The following TCF12 variants were observed in gnomAD, a reference collection of about 807,000 sequenced individuals.
TCF12 encodes DNA-binding protein HTF4.
A neutral mutation model predicts 86.0 loss-of-function variants in TCF12; 45 were observed. That is an observed-to-expected ratio of 0.52 (90% CI 0.41 to 0.67). The LOEUF is 0.67. Among genes scored for constraint, TCF12 ranks in the 30% least tolerant of loss-of-function variants. TCF12 has a pLI of 0.00. For missense variants in TCF12, 881 were observed against 859.9 expected, an observed-to-expected ratio of 1.02 and a Z score of -0.31; for synonymous variants, 330 against 299.6, an observed-to-expected ratio of 1.10 and a Z score of -1.05.
At chr15:57,129,194 G>A (rs959592306) in intron 5 of TCF12, among the ~76,000 whole-genome samples, 1 of 152,136 alleles carries the variant, frequency 6.6e-6, no homozygotes, top group Admixed American at 6.5e-5. Context: ...GCCAACATGC[G>A]TCTGTTCCTT....
intron 3 of TCF12, among the ~76,000 whole-genome samples, chr15:57,014,060 G>T (rs2065000411): frequency 6.6e-6 from 1 of 152,132 alleles, no homozygotes; most frequent in Non-Finnish European, 1.5e-5. Context: ...TTGTTGTGTT[G>T]CGATGATCTA....
intron 3 of TCF12, among the ~76,000 whole-genome samples, chr15:57,055,999 T>C (rs539340313): frequency 3.3e-5 from 5 of 152,262 alleles, no homozygotes; most frequent in Admixed American, 6.5e-5. Context: ...TTTTTATCAA[T>C]TGGATAATTT....
At chr15:56,988,932 T>C (rs2063318425) in intron 3 of TCF12, among the ~76,000 whole-genome samples, 1 of 152,166 alleles carries the variant, frequency 6.6e-6, no homozygotes, top group South Asian at 2.1e-4. Flanking sequence ...TTTAAGTAAT[T>C]GATATTTTTG....
intron 3 of TCF12, among the ~76,000 whole-genome samples, chr15:56,924,692 A>G (rs1228514420): frequency 6.6e-6 from 1 of 152,240 alleles, no homozygotes; most frequent in Non-Finnish European, 1.5e-5. Context: ...GTAGTTATTA[A>G]TGAGAGTAAC....
intron 3 of TCF12, among the ~76,000 whole-genome samples, chr15:56,969,458 G>T (rs78986730): frequency 6.6e-6 from 1 of 151,472 alleles, no homozygotes. Context: ...GGAGGAACAG[G>T]TTTTGGTTTC....
chr15:56,963,768 T>C (rs1401489941), intron 3 of TCF12, among the ~76,000 whole-genome samples: 1 of 152,206 alleles, frequency 6.6e-6, no homozygotes, highest in Non-Finnish European at 1.5e-5. Flanking sequence ...TGATACCCTG[T>C]GTTATAACGA....
rs1222663442 is a variant in TCF12, at chr15:57,166,311, C to G, written c.326-91C>G. ...CTAATTTGTTCTTTCTATTTTAAAACTGCAATATAATTACCATGAATAGTC... is the reference window on the plus strand; with the variant it reads ...CTAATTTGTTCTTTCTATTTTAAAAGTGCAATATAATTACCATGAATAGTC... On this transcript the variant is annotated intron_variant, in intron 5 of 20. Coordinates refer to ENST00000333725, the MANE Select transcript of TCF12 (RefSeq NM_207037.2). 7 of 1,030,440 alleles carry G rather than the reference C, an allele frequency of 6.8e-6. No individual in the cohort carries two copies. The African/African-American group carries it at 1.1e-4, about 17-fold the overall frequency. The allele number at this position is 1,030,440 out of a possible 1,614,324, so 63.8% of individuals were successfully genotyped here. A position where few individuals can be genotyped will look rare whatever the true frequency, so the allele number is the denominator to read the frequency against.
At chr15:57,183,416 A>G (rs1320720431) in intron 6 of TCF12, among the ~76,000 whole-genome samples, 1 of 152,110 alleles carries the variant, frequency 6.6e-6, no homozygotes, top group Non-Finnish European at 1.5e-5. Context: ...TGAATCTGTC[A>G]CACCCTCTTT....
intron 3 of TCF12, among the ~76,000 whole-genome samples, chr15:57,057,934 A>G (rs1225248209): frequency 7.2e-5 from 11 of 152,196 alleles, no homozygotes; most frequent in Non-Finnish European, 4.4e-5. Flanking sequence ...ATTGGTCTTC[A>G]GATACAGGGC....
intron 6 of TCF12, among the ~76,000 whole-genome samples, chr15:57,184,522 G>A (rs1332453604): frequency 6.6e-6 from 1 of 152,118 alleles, no homozygotes; most frequent in Non-Finnish European, 1.5e-5. Context: ...ATGAGAAAAT[G>A]CAGATGAAGT....
Position 57,286,879 on chromosome 15 carries a change from G to C in TCF12, c.*734G>C, listed in dbSNP as rs1172987398. 2.9e-6 allele frequency: 1 copy of C among 345,704 alleles called. No individual in the cohort carries two copies. The highest frequency in any genetic ancestry group is 7.6e-5 in the East Asian group (1 of 13,222). The allele number at this position is 345,704 out of a possible 1,614,324, so 21.4% of individuals were successfully genotyped here. ...TTATGGTCACAGTCCAGCCTCCTCCGTGCAGCCCTGTGTGCTTTGCACATT... is the reference window on the plus strand; with the variant it reads ...TTATGGTCACAGTCCAGCCTCCTCCCTGCAGCCCTGTGTGCTTTGCACATT... On this transcript the variant is annotated 3_prime_UTR_variant, in exon 21 of 21. Transcript: ENST00000333725.
rs1221218050 is a variant in TCF12, at chr15:57,252,460, G to A, written c.1228G>A (p.Asp410Asn). ...GCAGCAACTTCACGAGCATTTGCAA[G>A]ATGCAATGTCCTTCTTAAAGGATGT... The part of the protein sequence containing the change: ...VEQQLHEHLQ[D>N]AMSFLKDVCE... Residue 410 changes from aspartate (D) to asparagine (N), a missense_variant, in exon 15 of 21, where the codon GAT becomes AAT. By Grantham distance (23) the Asp-to-Asn change is conservative. Transcript: ENST00000333725. 1 of 1,613,834 alleles carries A rather than the reference G, an allele frequency of 6.2e-7. No individual in the cohort carries two copies. Among genetic ancestry groups the A allele is most frequent in the Non-Finnish European group, 8.5e-7 (1 of 1,179,908 alleles).
chr15:57,193,974 TAGTC>T (rs2057118826), intron 7 of TCF12, among the ~76,000 whole-genome samples: 1 of 152,224 alleles, frequency 6.6e-6, no homozygotes, highest in Non-Finnish European at 1.5e-5. Flanking sequence ...CCTAATGAGT[TAGTC>T]AGAATAGGAA....
At chr15:57,014,076 C>T (rs1243553257) in intron 3 of TCF12, among the ~76,000 whole-genome samples, 3 of 152,142 alleles carry the variant, frequency 2.0e-5, no homozygotes, top group African/African-American at 7.2e-5. Context: ...ATCTAGGTCA[C>T]GTTGCATGGG....
chr15:57,188,981 A>C (rs2056835400), intron 6 of TCF12, among the ~76,000 whole-genome samples: 1 of 152,052 alleles, frequency 6.6e-6, no homozygotes, highest in Admixed American at 6.5e-5. Context: ...TAGAGATGGG[A>C]CCGCCCTATG....
intron 5 of TCF12, chr15:57,134,343 C>G (rs926622500): frequency 6.6e-6 from 1 of 152,164 alleles, no homozygotes; most frequent in Non-Finnish European, 1.5e-5. Context: ...TTTGAATAAT[C>G]ACGTTGCTGA....
chr15:57,244,205 C>T (rs886202294), intron 13 of TCF12, among the ~76,000 whole-genome samples: 4 of 152,052 alleles, frequency 2.6e-5, no homozygotes, highest in Non-Finnish European at 4.4e-5. Context: ...TATAAGATAG[C>T]ATGTAAAATA....
chr15:57,157,375 G>C (rs1596898794), intron 5 of TCF12, among the ~76,000 whole-genome samples: 1 of 142,440 alleles, frequency 7.0e-6, no homozygotes, highest in African/African-American at 2.8e-5. Context: ...AACAACATGT[G>C]GTTGGGGAAA....
chr15:57,131,494 A>G (rs995306025), intron 5 of TCF12, among the ~76,000 whole-genome samples: 11 of 152,178 alleles, frequency 7.2e-5, no homozygotes. Flanking sequence ...TAAGTCCAAT[A>G]TTACTGTTTT....
Sources: allele counts gnomAD v4.1 joint callset (sites outside exome capture counted in the v4.1 genomes callset), GRCh38; gene constraint gnomAD v4.1.1; transcripts MANE v1.5; gene names NCBI Gene and HGNC (gene_info 2026-07-23, HGNC 2026-07-21).